SGK1: variants seen among roughly 807,000 people sequenced by gnomAD.
The protein encoded by SGK1 is serum/glucocorticoid regulated kinase 1.
SGK1 carries 26 observed loss-of-function variants against 64.2 expected under a neutral mutation model. The ratio of observed to expected loss-of-function variants is 0.40; its 90% CI spans 0.30 to 0.56. The LOEUF is 0.56. Among genes scored for constraint, SGK1 ranks in the 20% least tolerant of loss-of-function variants. The pLI, the probability that SGK1 is intolerant of heterozygous loss-of-function variation, is 0.38. For missense variants in SGK1, 519 were observed against 645.6 expected (o/e 0.80, Z 2.12); for synonymous variants, 265 against 239.7 (o/e 1.11, Z -0.98).
At chr6:134,290,098 C>T (rs1237440144) in intron 1 of SGK1, among the ~76,000 whole-genome samples, 7 of 143,810 alleles carry the variant, frequency 4.9e-5, no homozygotes, top group Non-Finnish European at 9.0e-5. Flanking sequence ...TACAGTGAGC[C>T]GAGACCACGC....
chr6:134,197,624 G>C (rs550886413), intron 3 of SGK1, among the ~76,000 whole-genome samples: 26 of 152,096 alleles, frequency 1.7e-4, no homozygotes, highest in Middle Eastern at 6.8e-3. Context: ...TCAGGAGTTT[G>C]AGACCAGCCT....
chr6:134,172,189 C>T lies in SGK1; in HGVS notation c.1071+4G>A, dbSNP rs1203672258. 1.2e-6 allele frequency: 2 copies of T among 1,613,724 alleles called. No individual in the cohort carries two copies. The highest frequency in any genetic ancestry group is 2.2e-5 in the South Asian group (2 of 91,008). ...ACCAGGCACCAAACCAAGACAGCGC[C>T]TACCTCCGGCGTGCCACAGAAGGTG... is the stretch of plus-strand genomic sequence containing the variant. On this transcript the variant is annotated splice_donor_region_variant and intron_variant, in intron 10 of 13. Coordinates refer to ENST00000367858, the MANE Select transcript of SGK1 (RefSeq NM_001143676.3).
chr6:134,234,705 C>T (rs1430271632), intron 2 of SGK1, among the ~76,000 whole-genome samples: 1 of 152,000 alleles, frequency 6.6e-6, no homozygotes, highest in Non-Finnish European at 1.5e-5. Flanking sequence ...GGTGAAACCC[C>T]ATCTCCACTA....
At chr6:134,174,481 A>G in intron 4 of SGK1, 30 bp downstream of exon 4, 1 of 1,531,146 alleles carries the variant, frequency 6.5e-7, no homozygotes, top group Non-Finnish European at 9.0e-7. Context: ...AAACTATACT[A>G]GTTATTTCCT....
chr6:134,274,801 T>C (rs1776995693), intron 1 of SGK1, among the ~76,000 whole-genome samples: 1 of 151,970 alleles, frequency 6.6e-6, no homozygotes, highest in Non-Finnish European at 1.5e-5. Flanking sequence ...TTTCTTTTCT[T>C]TTCTTTTCTT....
At chr6:134,269,734 G>T (rs529486005) in intron 1 of SGK1, among the ~76,000 whole-genome samples, 1 of 147,984 alleles carries the variant, frequency 6.8e-6, no homozygotes, top group South Asian at 2.2e-4. Flanking sequence ...ATGCTAGCAG[G>T]TTAGTTACGG....
chr6:134,173,431 T>C, intron 6 of SGK1, 31 bp downstream of exon 6: 4 of 1,576,350 alleles, frequency 2.5e-6, no homozygotes, highest in South Asian at 1.1e-5. Context: ...ATGAAGGAAG[T>C]GTACCAAAAG....
intron 11 of SGK1, 180 bp from the exon 12 acceptor site, chr6:134,171,358 T>TTGTGTTTG (rs1554217934): frequency 9.6e-6 from 6 of 623,210 alleles, no homozygotes; most frequent in Non-Finnish European, 2.8e-6. Context: ...GTGTGTGTGT[T>TTGTGTTTG]TGTGTGTGTG....
chr6:134,188,902 CTTTT>C (rs1582698549), intron 3 of SGK1, among the ~76,000 whole-genome samples: 1 of 127,920 alleles, frequency 7.8e-6, no homozygotes, highest in Non-Finnish European at 1.6e-5. Context: ...CTAGCTATTT[CTTTT>C]TCTTTTTTTT....
intron 3 of SGK1, among the ~76,000 whole-genome samples, chr6:134,193,959 C>G (rs949728701): frequency 6.6e-6 from 1 of 151,994 alleles, no homozygotes; most frequent in African/African-American, 2.4e-5. Context: ...GTGACACCAA[C>G]CTTGGACAGG....
intron 2 of SGK1, among the ~76,000 whole-genome samples, chr6:134,232,896 G>A (rs1436936766): frequency 1.3e-5 from 2 of 151,854 alleles, no homozygotes; most frequent in East Asian, 3.9e-4. Context: ...GAACAGATAA[G>A]TCAATGTAGG....
In SGK1 at chr6:134,310,072, C is replaced by A. The variant is rs369774912; in HGVS notation, c.69+7320G>T. On this transcript the variant is annotated intron_variant, in intron 1 of 13. Transcript: ENST00000367858. ...AACATGCATTTTGATGGCTCCACCC[C>A]CCACGTTCCTCACTCCTGCCCCCTC... is the stretch of plus-strand genomic sequence containing the variant. Among the ~76,000 whole-genome samples, 5 of 150,508 alleles carry A rather than the reference C, an allele frequency of 3.3e-5. No homozygotes were observed. The East Asian group carries it at 9.8e-4, about 30-fold the overall frequency.
chr6:134,282,455 C>T (rs936151406), intron 1 of SGK1, among the ~76,000 whole-genome samples: 1 of 152,038 alleles, frequency 6.6e-6, no homozygotes, highest in Non-Finnish European at 1.5e-5. Flanking sequence ...AGTTCGAGAC[C>T]AGCCTGGCCA....
rs566042308 is a variant in SGK1, at chr6:134,185,544, A to C, written c.362-10958T>G. Among the ~76,000 whole-genome samples the C allele has an allele frequency of 3.4e-5, 4 of 117,876 alleles. No individual in the cohort carries two copies. The South Asian group carries it at 1.1e-3, about 32-fold the overall frequency. 77.3% of individuals were successfully genotyped at this position (117,876 alleles called of 152,430 possible). ...AGTTAAGATATGAAACTACACTTTC[A>C]TATCTCTATGAGTGTGTGTGTGTGT... On this transcript the variant is annotated intron_variant, in intron 3 of 13. Coordinates refer to ENST00000367858, the MANE Select transcript of SGK1 (RefSeq NM_001143676.3).
chr6:134,274,067 G>C (rs985183137), intron 1 of SGK1, among the ~76,000 whole-genome samples: 1 of 151,836 alleles, frequency 6.6e-6, no homozygotes, highest in Non-Finnish European at 1.5e-5. Context: ...GCAGTGGTGC[G>C]ATCTTGGCTC....
intron 2 of SGK1, among the ~76,000 whole-genome samples, chr6:134,252,234 C>T (rs777804270): frequency 2.6e-5 from 4 of 152,022 alleles, no homozygotes; most frequent in Admixed American, 2.0e-4. Context: ...AGCAGTGACT[C>T]GAACAGGGGT....
chr6:134,181,560 G>A (rs1775331416), intron 3 of SGK1, among the ~76,000 whole-genome samples: 1 of 151,912 alleles, frequency 6.6e-6, no homozygotes, highest in Non-Finnish European at 1.5e-5. Context: ...GATCAGACTG[G>A]TCTCGGATTC....
At chr6:134,293,217 A>G (rs566591107) in intron 1 of SGK1, among the ~76,000 whole-genome samples, 1 of 152,144 alleles carries the variant, frequency 6.6e-6, no homozygotes, top group Non-Finnish European at 1.5e-5. Context: ...AACAATTTGT[A>G]TATTTCAAAA....
chr6:134,267,028 G>C (rs1430219613), intron 1 of SGK1, among the ~76,000 whole-genome samples: 1 of 152,058 alleles, frequency 6.6e-6, no homozygotes, highest in East Asian at 1.9e-4. Context: ...ACTGTGAACA[G>C]GATTTAAACA....
Sources: gnomAD v4.1 joint callset for allele counts (sites outside exome capture counted in the v4.1 genomes callset) on GRCh38, gnomAD v4.1.1 for gene constraint, MANE v1.5 for transcripts, NCBI Gene and HGNC (gene_info 2026-07-23, HGNC 2026-07-21) for gene names.